Variants in SCGB2B2 observed in about 807,000 individuals in gnomAD.
SCGB2B2 encodes secretoglobin family 2B member 2, also known as secretoglobin-like protein.
In SCGB2B2, 11 loss-of-function variants were observed where a neutral mutation model predicts 7.6. The observed-to-expected ratio is 1.45, with a 90% CI of 0.91 to 2.40. The LOEUF (loss-of-function observed/expected upper bound fraction) is 2.40, where lower values mean the gene tolerates loss of function less well. Ranked by LOEUF, SCGB2B2 falls within the 30% of genes most tolerant of loss-of-function variation. SCGB2B2 has a pLI of 0.00. For synonymous variants in SCGB2B2, 50 were observed against 48.6 expected (o/e 1.03, Z -0.12); for missense variants, 104 against 115.4 (o/e 0.90, Z 0.45).
At chr19:34,598,381 C>A (rs2065522389) in intron 1 of SCGB2B2, among the ~76,000 whole-genome samples, 1 of 152,214 alleles carries the variant, frequency 6.6e-6, no homozygotes, top group Admixed American at 6.5e-5. Flanking sequence ...TTGAGCCACC[C>A]ACTTCCTTGT....
chr19:34,610,608 C>G (rs909116391), intron 1 of SCGB2B2, among the ~76,000 whole-genome samples: 2 of 152,050 alleles, frequency 1.3e-5, no homozygotes, highest in African/African-American at 4.8e-5. Context: ...TGATGTGTCA[C>G]AAGTATTGAT....
intron 1 of SCGB2B2, among the ~76,000 whole-genome samples, chr19:34,641,641 T>C (rs542839219): frequency 2.7e-5 from 3 of 112,132 alleles, no homozygotes; most frequent in East Asian, 4.1e-4. Context: ...AGTATGTAAA[T>C]TGGGTGATCA....
Position 34,676,656 on chromosome 19 carries a change from G to T in SCGB2B2, c.-3058C>A, listed in dbSNP as rs1292102876. 1 of 152,096 alleles carries T rather than the reference G, an allele frequency of 6.6e-6. No homozygotes were observed. The allele number at this position is 152,096 out of a possible 1,614,324, so 9.4% of individuals were successfully genotyped here. A position where few individuals can be genotyped will look rare whatever the true frequency, so the allele number is the denominator to read the frequency against. On this transcript the variant is annotated 5_prime_UTR_variant, in exon 1 of 4. Coordinates refer to ENST00000601241, the MANE Select transcript of SCGB2B2 (RefSeq NM_001025591.4). ...CGTGAGCTCTAAGAACTCTCTCTTG[G>T]GGTCGGATCCGGACCCCTTTCTGGT... is the stretch of plus-strand genomic sequence containing the variant.
At position 34,603,536 on chromosome 19, in the gene SCGB2B2, A is replaced by G. The variant is rs551801153; in HGVS notation, c.-2031-6942T>C. Among the ~76,000 whole-genome samples the G allele has an allele frequency of 1.7e-3, 255 of 152,272 alleles. 1 individual carries two copies. The highest frequency in any genetic ancestry group is 5.7e-3 in the African/African-American group (235 of 41,542). ...AAGCTTTCACAATAAACAATGCCTGAAATGCAGCATTTCTCATTGATCTAA... is the reference window on the plus strand; with the variant it reads ...AAGCTTTCACAATAAACAATGCCTGGAATGCAGCATTTCTCATTGATCTAA... On this transcript the variant is annotated intron_variant, in intron 1 of 3. Coordinates refer to ENST00000601241, the MANE Select transcript of SCGB2B2 (RefSeq NM_001025591.4).
chr19:34,634,486 C>T (rs16969565), intron 1 of SCGB2B2, among the ~76,000 whole-genome samples: 2,971 of 152,274 alleles, frequency 0.02, 44 homozygotes, highest in East Asian at 0.066. Context: ...GGCACTCACA[C>T]GGAATCTCTC....
intron 1 of SCGB2B2, among the ~76,000 whole-genome samples, chr19:34,665,412 A>G (rs531811066): frequency 6.6e-6 from 1 of 152,294 alleles, no homozygotes; most frequent in East Asian, 1.9e-4. Context: ...TCCTGGAGGT[A>G]GATGATGTCT....
At chr19:34,650,673 C>G (rs35997355) in intron 1 of SCGB2B2, among the ~76,000 whole-genome samples, 1 of 150,944 alleles carries the variant, frequency 6.6e-6, no homozygotes, top group African/African-American at 2.5e-5. Context: ...CTCAACCAAA[C>G]GTTTAGGAAG....
intron 1 of SCGB2B2, among the ~76,000 whole-genome samples, chr19:34,605,303 T>C (rs763671860): frequency 3.3e-5 from 5 of 152,188 alleles, no homozygotes; most frequent in Non-Finnish European, 7.3e-5. Context: ...AACTCTGTCT[T>C]ATGTAGGTTT....
intron 1 of SCGB2B2, among the ~76,000 whole-genome samples, chr19:34,617,914 CCTTT>C (rs1323772387): frequency 1.3e-5 from 2 of 152,216 alleles, no homozygotes; most frequent in African/African-American, 4.8e-5. Context: ...GTCTGTCACC[CCTTT>C]CTTTGACTAG....
intron 1 of SCGB2B2, among the ~76,000 whole-genome samples, chr19:34,664,210 G>A (rs1442665680): frequency 1.3e-5 from 2 of 152,198 alleles, no homozygotes; most frequent in Admixed American, 1.3e-4. Context: ...CCATTCTCCA[G>A]GAGCCAGCCT....
chr19:34,669,909 C>A (rs1056941430), intron 1 of SCGB2B2, among the ~76,000 whole-genome samples: 3 of 152,192 alleles, frequency 2.0e-5, no homozygotes, highest in East Asian at 1.9e-4. Flanking sequence ...CAAGGGGAAC[C>A]CATAGGCCAC....
intron 1 of SCGB2B2, among the ~76,000 whole-genome samples, chr19:34,626,534 G>T (rs918129469): frequency 6.6e-6 from 1 of 152,146 alleles, no homozygotes; most frequent in Admixed American, 6.5e-5. Context: ...TAAATGAAAT[G>T]AAATGAGAAG....
intron 1 of SCGB2B2, chr19:34,635,138 C>A: frequency 3.4e-6 from 1 of 291,678 alleles, no homozygotes; most frequent in South Asian, 4.3e-5. Flanking sequence ...TCAATAAGGC[C>A]ATAGCTTTGT....
At chr19:34,638,064 T>C (rs1406053800) in intron 1 of SCGB2B2, 2 of 152,242 alleles carry the variant, frequency 1.3e-5, no homozygotes. Flanking sequence ...AGTAGTTATA[T>C]AACATAAGAT....
chr19:34,633,078 T>A (rs1425351354), intron 1 of SCGB2B2: 1 of 152,280 alleles, frequency 6.6e-6, no homozygotes, highest in Admixed American at 6.5e-5. Flanking sequence ...GAAACCCCAA[T>A]AAAGGCTGTG....
intron 1 of SCGB2B2, among the ~76,000 whole-genome samples, chr19:34,632,426 A>G (rs1405468707): frequency 4.6e-5 from 7 of 152,240 alleles, no homozygotes; most frequent in Admixed American, 2.6e-4. Context: ...TAAAGAAAAG[A>G]GTTTAAATGG....
chr19:34,647,685 A>G (rs1417846388), intron 1 of SCGB2B2, among the ~76,000 whole-genome samples: 2 of 152,156 alleles, frequency 1.3e-5, no homozygotes, highest in South Asian at 2.1e-4. Context: ...CCAGAGCCGG[A>G]CACCCCATGA....
intron 1 of SCGB2B2, among the ~76,000 whole-genome samples, chr19:34,633,741 C>T (rs1411293339): frequency 6.6e-6 from 1 of 152,110 alleles, no homozygotes; most frequent in Non-Finnish European, 1.5e-5. Flanking sequence ...AATACATTTA[C>T]ATTTTAAATA....
chr19:34,601,245 GT>G (rs1457886490), intron 1 of SCGB2B2, among the ~76,000 whole-genome samples: 1 of 152,178 alleles, frequency 6.6e-6, no homozygotes, highest in Non-Finnish European at 1.5e-5. Context: ...TCACTAGTCT[GT>G]TTGTCTGTCT....
Sources: allele counts gnomAD v4.1 joint callset (sites outside exome capture counted in the v4.1 genomes callset), GRCh38; gene constraint gnomAD v4.1.1; transcripts MANE v1.5; gene names NCBI Gene and HGNC (gene_info 2026-07-23, HGNC 2026-07-21).